The following MYCBP2 variants were observed in gnomAD, a reference collection of about 807,000 sequenced individuals.
The protein encoded by MYCBP2 is E3 ubiquitin-protein ligase MYCBP2.
MYCBP2 carries 120 observed loss-of-function variants against 525.3 expected under a neutral mutation model. The observed-to-expected ratio is 0.23, with a 90% CI of 0.20 to 0.27. The LOEUF (loss-of-function observed/expected upper bound fraction) is 0.27, where lower values mean the gene tolerates loss of function less well. Ranked by LOEUF, MYCBP2 falls within the 10% of genes least tolerant of loss-of-function variation. The pLI is 1.00. For missense variants in MYCBP2, 4,149 were observed against 5,657.1 expected (o/e 0.73, Z 8.55); for synonymous variants, 1,894 against 1,955.8 (o/e 0.97, Z 0.83).
intron 26 of MYCBP2, among the ~76,000 whole-genome samples, chr13:77,197,145 G>C (rs544959356): frequency 6.6e-6 from 1 of 152,274 alleles, no homozygotes; most frequent in South Asian, 2.1e-4. Flanking sequence ...TTAGCAATAT[G>C]AAAGTCATCA....
chr13:77,231,920 T>G (rs1444022603), intron 18 of MYCBP2, among the ~76,000 whole-genome samples: 1 of 152,232 alleles, frequency 6.6e-6, no homozygotes, highest in East Asian at 1.9e-4. Flanking sequence ...TCAGCTGTCT[T>G]AGGTTGAAAA....
At chr13:77,135,083 G>T (rs918220302) in intron 52 of MYCBP2, among the ~76,000 whole-genome samples, 2 of 152,136 alleles carry the variant, frequency 1.3e-5, no homozygotes, top group African/African-American at 4.8e-5. Context: ...TCCAAATAAC[G>T]TGCACACATT....
chr13:77,081,897 A>G lies in MYCBP2; in HGVS notation c.11133T>C (p.Asp3711=), dbSNP rs142071043. The change falls in exon 64 of 83, where the codon GAT becomes GAC. Residue 3711 remains aspartate, a synonymous_variant. Transcript: ENST00000544440. The surrounding 1 kb of genome is among the most constrained non-coding windows in gnomAD (Gnocchi z 4.6). ...HINNILSKSD[D]GDSEESFSIS... ...TGCTAAAACTCTCTTCACTATCGCC[A>G]TCATCTGACTTTGACAAAATATTGT... is the stretch of plus-strand genomic sequence containing the variant. 9 of 1,613,646 alleles carry G rather than the reference A, an allele frequency of 5.6e-6. No individual in the cohort carries two copies. In the African/African-American group the frequency reaches 9.3e-5, roughly 17 times the overall value.
intron 73 of MYCBP2, 21 bp from the exon 74 acceptor site, chr13:77,062,718 T>C: frequency 4.4e-6 from 7 of 1,592,756 alleles, no homozygotes; most frequent in Non-Finnish European, 6.0e-6. Flanking sequence ...GGAAGGCTGT[T>C]ACACCACTGA....
intron 1 of MYCBP2, among the ~76,000 whole-genome samples, chr13:77,307,903 C>T (rs1465146097): frequency 6.6e-6 from 1 of 152,110 alleles, no homozygotes; most frequent in African/African-American, 2.4e-5. Flanking sequence ...CCTTCTCAGT[C>T]TTCTTTACTG....
At chr13:77,266,280 C>T (rs1034999431) in intron 8 of MYCBP2, among the ~76,000 whole-genome samples, 3 of 152,068 alleles carry the variant, frequency 2.0e-5, no homozygotes, top group Non-Finnish European at 4.4e-5. Context: ...AAAGACAGCA[C>T]GATAGGAACG....
At chr13:77,276,827 T>TG in intron 4 of MYCBP2, among the ~76,000 whole-genome samples, 1 of 143,810 alleles carries the variant, frequency 7.0e-6, no homozygotes, top group South Asian at 2.3e-4. Flanking sequence ...TTTTTTTTTT[T>TG]TTTTTTTTTT....
intron 18 of MYCBP2, among the ~76,000 whole-genome samples, chr13:77,232,806 A>G (rs768302448): frequency 6.6e-6 from 1 of 152,234 alleles, no homozygotes; most frequent in Non-Finnish European, 1.5e-5. Context: ...AAAGAATTGT[A>G]AAAGGCCAGA....
chr13:77,098,158 G>C lies in MYCBP2; in HGVS notation c.8996C>G (p.Pro2999Arg). Reference protein sequence around the residue: ...SRKCANRHTRPKKEKSSFLFK... With the variant: ...SRKCANRHTRRKKEKSSFLFK... ...AAGAAAACTCGATTTTTCTTTTTTG[G>C]GCCTGGTGTGTCTATTAGCACATTT... is the stretch of plus-strand genomic sequence containing the variant. Residue 2999 changes from proline to arginine, a missense_variant, in exon 56 of 83, where the codon CCC becomes CGC. Pro to Arg is a moderately radical substitution (Grantham distance 103). Transcript: ENST00000544440. The C allele has an allele frequency of 6.2e-7, 1 of 1,613,442 alleles. No individual in the cohort carries two copies. Among genetic ancestry groups the C allele is most frequent in the Non-Finnish European group, 8.5e-7 (1 of 1,179,716 alleles).
At chr13:77,223,037 T>C (rs1594073110) in intron 20 of MYCBP2, among the ~76,000 whole-genome samples, 1 of 152,296 alleles carries the variant, frequency 6.6e-6, no homozygotes, top group South Asian at 2.1e-4. Context: ...GCTCTCTATC[T>C]TTCCAGACTT....
intron 81 of MYCBP2, among the ~76,000 whole-genome samples, chr13:77,051,474 A>G (rs559816155): frequency 1.6e-4 from 24 of 152,192 alleles, no homozygotes; most frequent in African/African-American, 5.8e-4. Flanking sequence ...AATGAAATTA[A>G]CCTCTCTTAT....
In MYCBP2 at chr13:77,180,159, T is replaced by G; in HGVS notation, c.5101A>C (p.Ser1701Arg). 6.2e-7 allele frequency: 1 copy of G among 1,614,062 alleles called. No individual in the cohort carries two copies. The highest frequency in any genetic ancestry group is 8.5e-7 in the Non-Finnish European group (1 of 1,179,944). ...NTCGLLASIV[S>R]ELTASALGSE... ...CCCAGGGCTGACGCTGTCAGTTCAC[T>G]GACAATGCTGGCCAGTAATCCACAG... Residue 1701 changes from serine (S) to arginine (R), a missense_variant, in exon 34 of 83, where the codon AGT becomes CGT. Around this residue, in one of 21 missense-constraint regions of MYCBP2, gnomAD observed 54 missense variants for 117.0 expected, o/e 0.46. Transcript: ENST00000544440.
chr13:77,280,257 C>G (rs1431293694), intron 3 of MYCBP2, among the ~76,000 whole-genome samples: 1 of 152,124 alleles, frequency 6.6e-6, no homozygotes, highest in Non-Finnish European at 1.5e-5. Context: ...TGCTAACAGA[C>G]TTGATTATAG....
In MYCBP2 at chr13:77,126,324, C is replaced by T. The variant is rs781278416; in HGVS notation, c.7878G>A (p.Val2626=). The stretch of plus-strand genomic sequence containing the variant: ...AAGCTACAAGAATCCATACCTCTCC[C>T]ACTGCTTTGACTTTGTTTCCCAGAA... The part of the protein sequence containing the change: ...MLVLGNKVKA[V]GEVTNSEGTW... The change falls in exon 53 of 83, where the codon GTG becomes GTA. Residue 2626 remains valine (V), a synonymous_variant. Coordinates refer to ENST00000544440, the MANE Select transcript of MYCBP2 (RefSeq NM_015057.5). The T allele has an allele frequency of 6.2e-7, 1 of 1,613,242 alleles. No homozygotes were observed. Among genetic ancestry groups the T allele is most frequent in the South Asian group, 1.1e-5 (1 of 90,950 alleles).
intron 2 of MYCBP2, among the ~76,000 whole-genome samples, 184 bp from the exon 3 acceptor site, chr13:77,288,560 G>T (rs1567167937): frequency 1.3e-5 from 2 of 152,064 alleles, no homozygotes; most frequent in Non-Finnish European, 2.9e-5. Context: ...ACTATTTTTT[G>T]AGCAATGCAG....
At chr13:77,319,171 A>ACTAGGTGTTCTTGTGACTTAACC (rs2081305563) in intron 1 of MYCBP2, among the ~76,000 whole-genome samples, 1 of 151,988 alleles carries the variant, frequency 6.6e-6, no homozygotes, top group Admixed American at 6.6e-5. Context: ...AGCACCCCGA[A>ACTAGGTGTTCTTGTGACTTAACC]CTAGGTGTTC....
rs750976107 is a variant in MYCBP2, at chr13:77,097,683, G to A, written c.9471C>T (p.Pro3157=). 2 of 1,613,744 alleles carry A rather than the reference G, an allele frequency of 1.2e-6. No homozygotes were observed. Among genetic ancestry groups the A allele is most frequent in the East Asian group, 4.5e-5 (2 of 44,846 alleles). ...AAGCCACTAAATGTTGTAAAGTTAA[G>A]GGAAGAGGAGACTTAGACTTCATTG... ...HNTMKSKSPL[P]LTLQHLVAFW... Residue 3157 remains proline, a synonymous_variant, in exon 56 of 83, where the codon CCC becomes CCT. Coordinates refer to ENST00000544440, the MANE Select transcript of MYCBP2 (RefSeq NM_015057.5).
chr13:77,230,409 G>GA (rs892847922), intron 18 of MYCBP2, among the ~76,000 whole-genome samples: 5 of 152,212 alleles, frequency 3.3e-5, no homozygotes, highest in African/African-American at 1.2e-4. Flanking sequence ...AATATATGTA[G>GA]AAAAAATACT....
chr13:77,308,952 G>A (rs1248729611), intron 1 of MYCBP2, among the ~76,000 whole-genome samples: 1 of 152,162 alleles, frequency 6.6e-6, no homozygotes, highest in Non-Finnish European at 1.5e-5. Flanking sequence ...GAGTTGCCCT[G>A]CACACAGGCC....
Sources: gnomAD v4.1 joint callset for allele counts (sites outside exome capture counted in the v4.1 genomes callset) on GRCh38, gnomAD v4.1.1 for gene constraint, gnomAD v4.1.1 regional missense constraint, Gnocchi (gnomAD v3.1) non-coding constraint, MANE v1.5 for transcripts, NCBI Gene and HGNC (gene_info 2026-07-23, HGNC 2026-07-21) for gene names.